Variants in RASSF5 observed in about 807,000 individuals in gnomAD.
RASSF5 encodes the protein ras association domain-containing protein 5.
RASSF5 carries 25 observed loss-of-function variants against 40.5 expected under a neutral mutation model. The ratio of observed to expected loss-of-function variants is 0.62; its 90% confidence interval spans 0.45 to 0.86. RASSF5 has a LOEUF of 0.86. RASSF5 is among the 40% of genes least tolerant of loss of function. The pLI is 0.00. For synonymous variants in RASSF5, 246 were observed against 252.4 expected (o/e 0.97, Z 0.24); for missense variants, 521 against 572.8 (o/e 0.91, Z 0.92).
chr1:206,517,045 A>G (rs1666765308), intron 1 of RASSF5, among the ~76,000 whole-genome samples: 2 of 152,336 alleles, frequency 1.3e-5, no homozygotes, highest in African/African-American at 2.4e-5. Context: ...CTTCTCCCTG[A>G]GGAAGCATTA....
chr1:206,568,389 G>A (rs1368841028), intron 2 of RASSF5, among the ~76,000 whole-genome samples: 1 of 152,224 alleles, frequency 6.6e-6, no homozygotes, highest in African/African-American at 2.4e-5. Flanking sequence ...AAAGCTGCAG[G>A]TGGAGGGAAG....
At chr1:206,529,360 C>G (rs1331024677) in intron 1 of RASSF5, 1 of 760,352 alleles carries the variant, frequency 1.3e-6, no homozygotes, top group African/African-American at 1.7e-5. Context: ...AATAAGAAAG[C>G]TCAGCTGGTG....
chr1:206,550,635 G>C (rs1667814217), intron 2 of RASSF5, among the ~76,000 whole-genome samples: 1 of 152,176 alleles, frequency 6.6e-6, no homozygotes, highest in African/African-American at 2.4e-5. Flanking sequence ...ACTCCATGGA[G>C]CATGAACCTT....
intron 2 of RASSF5, among the ~76,000 whole-genome samples, chr1:206,562,989 C>T (rs1668188378): frequency 6.6e-6 from 1 of 152,060 alleles, no homozygotes; most frequent in South Asian, 2.1e-4. Flanking sequence ...CTCTTGCATC[C>T]TGTACAATCA....
chr1:206,568,344 C>T (rs556226413), intron 2 of RASSF5, among the ~76,000 whole-genome samples: 1 of 152,208 alleles, frequency 6.6e-6, no homozygotes, highest in Admixed American at 6.5e-5. Context: ...GAGGAGAGGA[C>T]TCGTGTGGGC....
At chr1:206,536,240 G>C (rs1188182068) in intron 1 of RASSF5, among the ~76,000 whole-genome samples, 1 of 152,182 alleles carries the variant, frequency 6.6e-6, no homozygotes, top group African/African-American at 2.4e-5. Context: ...CATGCCCCAG[G>C]GAATTGACTT....
At chr1:206,581,140 A>G (rs1668857252) in intron 2 of RASSF5, 1 of 152,270 alleles carries the variant, frequency 6.6e-6, no homozygotes, top group Admixed American at 6.5e-5. Context: ...CATGTTTCTT[A>G]AACTCAGCCT....
Position 206,587,153 on chromosome 1 carries a change from C to T in RASSF5, c.*175C>T. ...GACAAGTGTTTGCACGAGGGTTCAG[C>T]TGTGCCCGCCCCCAGGCTGTGCCCC... On this transcript the variant is annotated 3_prime_UTR_variant, in exon 6 of 6. Transcript: ENST00000579436. 1.4e-6 allele frequency: 1 copy of T among 714,270 alleles called. No individual in the cohort carries two copies. Among genetic ancestry groups the T allele is most frequent in the South Asian group, 1.6e-5 (1 of 61,176 alleles). The allele number at this position is 714,270 out of a possible 1,614,324, so 44.2% of individuals were successfully genotyped here.
intron 1 of RASSF5, among the ~76,000 whole-genome samples, chr1:206,537,634 G>A (rs782374624): frequency 2.6e-5 from 4 of 152,150 alleles, no homozygotes; most frequent in African/African-American, 4.8e-5. Flanking sequence ...TCAAAAATCC[G>A]AATTGCTCCA....
At position 206,535,743 on chromosome 1, in the gene RASSF5, TGAGAGA is replaced by T. The variant is rs1233464559; in HGVS notation, c.458-2416_458-2411del. 7.8e-6 allele frequency among the ~76,000 whole-genome samples: 1 copy of T among 128,204 alleles called. No individual in the cohort carries two copies. The highest frequency in any genetic ancestry group is 2.9e-5 in the African/African-American group (1 of 34,848). 84.1% of individuals were successfully genotyped at this position (128,204 alleles called of 152,430 possible). A position where few individuals can be genotyped will look rare whatever the true frequency, so the allele number is the denominator to read the frequency against. On this transcript the variant is annotated intron_variant, in intron 1 of 5. Coordinates refer to ENST00000579436, the MANE Select transcript of RASSF5 (RefSeq NM_182663.4). This position sits in a 1 kb window ranked among gnomAD's most constrained non-coding sequence, Gnocchi z 5.0. ...GTGTGTGTGTGTGTGTGTGTGTGTG[TGAGAGA>T]GAGAGAGAGAGATGGAAATTGAGAG...
At position 206,552,925 on chromosome 1, in the gene RASSF5, T is replaced by C. The variant is rs570994781; in HGVS notation, c.579+14632T>C. Among the ~76,000 whole-genome samples, 25 of 152,230 alleles carry C rather than the reference T, an allele frequency of 1.6e-4. No homozygotes were observed. The highest frequency in any genetic ancestry group is 6.8e-3 in the Middle Eastern group (2 of 294). ...GCCTGAAGAAAGTGCTCAGTAAGGCTGGGCGCGGTGGCTCACACCTGTAAT... is the reference window on the plus strand; with the variant it reads ...GCCTGAAGAAAGTGCTCAGTAAGGCCGGGCGCGGTGGCTCACACCTGTAAT... On this transcript the variant is annotated intron_variant, in intron 2 of 5. Transcript: ENST00000579436. The surrounding 1 kb of genome is among the most constrained non-coding windows in gnomAD (Gnocchi z 4.1).
At chr1:206,514,189 G>C (rs1390007584) in intron 1 of RASSF5, among the ~76,000 whole-genome samples, 1 of 152,248 alleles carries the variant, frequency 6.6e-6, no homozygotes, top group Non-Finnish European at 1.5e-5. Flanking sequence ...GAAGGAGGAA[G>C]GGCAGTGGGG....
intron 2 of RASSF5, among the ~76,000 whole-genome samples, chr1:206,540,167 C>T (rs1362679205): frequency 4.6e-5 from 7 of 152,226 alleles, no homozygotes; most frequent in Non-Finnish European, 1.0e-4. Context: ...CCCCCCACAA[C>T]AAAGAATTAT....
intron 2 of RASSF5, among the ~76,000 whole-genome samples, chr1:206,578,233 AGTGT>A (rs58059864): frequency 0.044 from 5,162 of 117,516 alleles, 131 homozygotes; most frequent in Admixed American, 0.063. Flanking sequence ...AAAAAAAAAA[AGTGT>A]GTGTGTGTGT....
In RASSF5 at chr1:206,557,507, C is replaced by T. The variant is rs1553401945; in HGVS notation, c.579+19214C>T. ...GAGCCCGGGGAGGGGTGCCCACCTC[C>T]CTCCGCCGCATCCCAAGCCCGGCCC... On this transcript the variant is annotated intron_variant, in intron 2 of 5. Transcript: ENST00000579436. 23 of 1,602,662 alleles carry T rather than the reference C, an allele frequency of 1.4e-5. No homozygotes were observed. The Admixed American group carries it at 3.9e-4, about 27-fold the overall frequency.
Position 206,579,937 on chromosome 1 carries a change from T to C in RASSF5, c.580-3332T>C, listed in dbSNP as rs1553405924. Among the ~76,000 whole-genome samples, 1 of 152,208 alleles carries C rather than the reference T, an allele frequency of 6.6e-6. No homozygotes were observed. Among genetic ancestry groups the C allele is most frequent in the East Asian group, 1.9e-4 (1 of 5,204 alleles). ...CAGATATTTTTGTGGGCAGCAGCCA[T>C]CCCAGACCTGGGTGCTGGCATTCCA... On this transcript the variant is annotated intron_variant, in intron 2 of 5. Transcript: ENST00000579436. This position sits in a 1 kb window ranked among gnomAD's most constrained non-coding sequence, Gnocchi z 4.2.
chr1:206,562,107 A>G (rs952265581), intron 2 of RASSF5, among the ~76,000 whole-genome samples: 9 of 152,210 alleles, frequency 5.9e-5, no homozygotes, highest in Admixed American at 5.2e-4. Flanking sequence ...CCTGGAGGTC[A>G]GATCCTACAC....
chr1:206,564,676 G>A (rs1278703330), intron 2 of RASSF5, among the ~76,000 whole-genome samples: 1 of 152,170 alleles, frequency 6.6e-6, no homozygotes, highest in Non-Finnish European at 1.5e-5. Flanking sequence ...GGCTTTGGGA[G>A]CTCCCTGGGT....
At chr1:206,538,330 C>A in intron 2 of RASSF5, 37 bp downstream of exon 2, 1 of 1,608,516 alleles carries the variant, frequency 6.2e-7, no homozygotes, top group Non-Finnish European at 8.5e-7. Flanking sequence ...CTGGGAACAG[C>A]CTCTGCAGGT....
Sources: allele counts gnomAD v4.1 joint callset (sites outside exome capture counted in the v4.1 genomes callset), GRCh38; gene constraint gnomAD v4.1.1; non-coding constraint Gnocchi (gnomAD v3.1); transcripts MANE v1.5; gene names NCBI Gene and HGNC (gene_info 2026-07-23, HGNC 2026-07-21).